ANKRD18B: variants seen among roughly 807,000 people sequenced by gnomAD.
ANKRD18B encodes the protein ankyrin repeat domain-containing protein 18B.
A neutral mutation model predicts 111.8 loss-of-function variants in ANKRD18B; 75 were observed. The observed-to-expected ratio is 0.67, with a 90% CI of 0.56 to 0.81. The LOEUF (loss-of-function observed/expected upper bound fraction) is 0.81, where lower values mean the gene tolerates loss of function less well. ANKRD18B is among the 40% of genes least tolerant of loss of function. ANKRD18B has a pLI of 0.00. For synonymous variants in ANKRD18B, 356 were observed against 417.3 expected (o/e 0.85, Z 1.79); for missense variants, 1,038 against 1,225.5 (o/e 0.85, Z 2.28).
chr9:33,540,897 A>C (rs1271821339), intron 8 of ANKRD18B, among the ~76,000 whole-genome samples: 2 of 152,340 alleles, frequency 1.3e-5, no homozygotes, highest in East Asian at 3.9e-4. Flanking sequence ...TGTAGTCTGC[A>C]GTGTGCTGAC....
chr9:33,542,771 C>T (rs1319958342), intron 9 of ANKRD18B, among the ~76,000 whole-genome samples: 1 of 152,070 alleles, frequency 6.6e-6, no homozygotes, highest in African/African-American at 2.4e-5. Flanking sequence ...AAAGGTATAA[C>T]AGTAACAAAA....
At chr9:33,563,270 A>G (rs1212299294) in intron 14 of ANKRD18B, among the ~76,000 whole-genome samples, 4 of 152,164 alleles carry the variant, frequency 2.6e-5, no homozygotes, top group Admixed American at 6.5e-5. Context: ...AAAGAAAAAC[A>G]TTTATTTTGT....
intron 10 of ANKRD18B, among the ~76,000 whole-genome samples, 196 bp from the exon 11 acceptor site, chr9:33,547,742 C>T (rs1828381614): frequency 2.0e-5 from 3 of 147,858 alleles, no homozygotes. Context: ...GATTCATTGA[C>T]TTCAAATACA....
chr9:33,565,935 A>G (rs1293718792), intron 14 of ANKRD18B, among the ~76,000 whole-genome samples: 1 of 152,204 alleles, frequency 6.6e-6, no homozygotes, highest in African/African-American at 2.4e-5. Context: ...ACTTAGTGCC[A>G]TTTAAGGAGG....
intron 12 of ANKRD18B, among the ~76,000 whole-genome samples, chr9:33,553,377 C>T (rs555545604): frequency 7.2e-5 from 11 of 152,134 alleles, no homozygotes; most frequent in African/African-American, 2.6e-4. Context: ...ATAAATAAAA[C>T]GTTTTGTATA....
chr9:33,549,273 GT>G (rs1290415616), intron 11 of ANKRD18B, among the ~76,000 whole-genome samples: 2 of 152,154 alleles, frequency 1.3e-5, no homozygotes, highest in Non-Finnish European at 2.9e-5. Flanking sequence ...CCAAAAAAGT[GT>G]TTACTGTATC....
In ANKRD18B at chr9:33,525,573, A is replaced by C. The variant is rs185446472; in HGVS notation, c.206+878A>C. On this transcript the variant is annotated intron_variant, in intron 1 of 18. Transcript: ENST00000684830. Reference sequence around the variant, plus strand: ...GCAAAATTAGAAAAATACCAGAAGAAAACACAAAGACTTATTTATACAGGT... The same window carrying C: ...GCAAAATTAGAAAAATACCAGAAGACAACACAAAGACTTATTTATACAGGT... Among the ~76,000 whole-genome samples, 6 of 152,178 alleles carry C rather than the reference A, an allele frequency of 3.9e-5. No individual in the cohort carries two copies. In the East Asian group the frequency reaches 1.2e-3, roughly 29 times the overall value.
At chr9:33,550,729 ACTT>A (rs1828434726) in intron 12 of ANKRD18B, 150 bp downstream of exon 12, 2 of 820,622 alleles carry the variant, frequency 2.4e-6, no homozygotes, top group Non-Finnish European at 3.4e-6. Context: ...TTTATAACGT[ACTT>A]CTTCAACTCT....
chr9:33,524,599 AG>A lies in ANKRD18B; in HGVS notation c.111del (p.Ile38SerfsTer17), dbSNP rs1393756651. 6.4e-7 allele frequency: 1 copy of A among 1,551,578 alleles called. No homozygotes were observed. The highest frequency in any genetic ancestry group is 1.2e-5 in the South Asian group (1 of 84,056). On this transcript the variant is annotated frameshift_variant, in exon 1 of 19. Coordinates refer to ENST00000684830, the MANE Select transcript of ANKRD18B (RefSeq NM_001393611.1). LOFTEE classifies it high-confidence loss of function. ...GYHIRDWELR[K>X]IHRAAIKGDA... ...CACATTCGGGACTGGGAACTGCGGA[AG>A]ATCCACAGGGCGGCCATCAAGGGCG... is the stretch of plus-strand genomic sequence containing the variant.
Position 33,564,421 on chromosome 9 carries a change from C to A in ANKRD18B, c.2461-1798C>A, listed in dbSNP as rs143845475. 4.3e-3 allele frequency among the ~76,000 whole-genome samples: 651 copies of A among 152,284 alleles called. 7 individuals are homozygous for A. The highest frequency in any genetic ancestry group is 0.015 in the African/African-American group (636 of 41,542). On this transcript the variant is annotated intron_variant, in intron 14 of 18. Coordinates refer to ENST00000684830, the MANE Select transcript of ANKRD18B (RefSeq NM_001393611.1). Reference sequence around the variant, plus strand: ...AGTATTCCATTGTGTATGTGTACCACAATTTTTTTGTCCATTCATTTGTTG... The same window carrying A: ...AGTATTCCATTGTGTATGTGTACCAAAATTTTTTTGTCCATTCATTTGTTG...
chr9:33,535,628 T>A (rs1273301117), intron 5 of ANKRD18B, among the ~76,000 whole-genome samples: 2 of 149,042 alleles, frequency 1.3e-5, no homozygotes, highest in African/African-American at 2.4e-5. Flanking sequence ...TCTCTCATAT[T>A]TATATGAGAT....
At chr9:33,535,776 T>C (rs1226115932) in intron 5 of ANKRD18B, among the ~76,000 whole-genome samples, 1 of 138,942 alleles carries the variant, frequency 7.2e-6, no homozygotes, top group East Asian at 2.2e-4. Flanking sequence ...ATATTATCAT[T>C]ATAAATATTA....
chr9:33,565,270 C>A (rs1828667814), intron 14 of ANKRD18B, among the ~76,000 whole-genome samples: 1 of 152,134 alleles, frequency 6.6e-6, no homozygotes, highest in Non-Finnish European at 1.5e-5. Flanking sequence ...AAGAGGGTGT[C>A]CTTTCCCCAA....
In ANKRD18B at chr9:33,548,436, G is replaced by A. The variant is rs1173400397; in HGVS notation, c.1648G>A (p.Ala550Thr). Residue 550 changes from alanine to threonine, a missense_variant, in exon 11 of 19, where the codon GCT becomes ACT. Ala to Thr is a moderately conservative substitution (Grantham distance 58). Transcript: ENST00000684830. The part of the protein sequence containing the change: ...NELLTEQVHK[A>T]RVKFNTLKGK... ...GTTGCTTACTGAACAGGTCCATAAA[G>A]CTCGGGTGAAGTTCAATACCTTAAA... 3 of 1,551,126 alleles carry A rather than the reference G, an allele frequency of 1.9e-6. No individual in the cohort carries two copies. Among genetic ancestry groups the A allele is most frequent in the Non-Finnish European group, 2.6e-6 (3 of 1,146,648 alleles).
intron 16 of ANKRD18B, among the ~76,000 whole-genome samples, chr9:33,568,000 G>A (rs1016220502): frequency 9.9e-5 from 15 of 152,192 alleles, no homozygotes; most frequent in African/African-American, 3.6e-4. Flanking sequence ...ACAGTGTTGA[G>A]GGCTAATTGC....
At position 33,537,065 on chromosome 9, in the gene ANKRD18B, G is replaced by T. The variant is rs200350609; in HGVS notation, c.808+120G>T. The T allele has an allele frequency of 6.5e-6, 4 of 619,018 alleles. No homozygotes were observed. The Admixed American group carries it at 1.4e-4, about 21-fold the overall frequency. 38.3% of individuals were successfully genotyped at this position (619,018 alleles called of 1,614,324 possible). On this transcript the variant is annotated intron_variant, in intron 6 of 18. Transcript: ENST00000684830. The stretch of plus-strand genomic sequence containing the variant: ...TAATCCCAGCACTTTGGGAGGCCGA[G>T]GCAGGTGGATCACCTGAGGTCAGGA...
chr9:33,543,350 C>A, intron 10 of ANKRD18B, 95 bp downstream of exon 10: 3 of 996,154 alleles, frequency 3.0e-6, no homozygotes, highest in Non-Finnish European at 4.3e-6. Context: ...TTTAGACTAT[C>A]CTTTTAGAAT....
At chr9:33,566,169 A>G (rs1312041651) in intron 14 of ANKRD18B, 50 bp from the exon 15 acceptor site, 1 of 1,470,172 alleles carries the variant, frequency 6.8e-7, no homozygotes, top group Non-Finnish European at 9.2e-7. Context: ...TTTGTATTAG[A>G]TTATTCTCAG....
chr9:33,536,031 A>G (rs1828195797), intron 5 of ANKRD18B, among the ~76,000 whole-genome samples: 1 of 151,926 alleles, frequency 6.6e-6, no homozygotes, highest in South Asian at 2.1e-4. Flanking sequence ...TTTGTCTTGT[A>G]TGCCAGTTGG....
Sources: allele counts gnomAD v4.1 joint callset (sites outside exome capture counted in the v4.1 genomes callset), GRCh38; gene constraint gnomAD v4.1.1; transcripts MANE v1.5; gene names NCBI Gene and HGNC (gene_info 2026-07-23, HGNC 2026-07-21).